Variants in SCN2B observed in about 807,000 individuals in gnomAD.
The protein encoded by SCN2B is sodium voltage-gated channel beta subunit 2.
A neutral mutation model predicts 18.2 loss-of-function variants in SCN2B; 14 were observed. That is an observed-to-expected ratio of 0.77 (90% CI 0.51 to 1.21). The LOEUF is 1.21. Ranked by LOEUF, SCN2B falls within the 50% of genes most tolerant of loss-of-function variation. The pLI is 0.00. For synonymous variants in SCN2B, 115 were observed against 115.3 expected (o/e 1.00, Z 0.02); for missense variants, 262 against 286.9 (o/e 0.91, Z 0.63).
chr11:118,174,360 G>T (rs1400866131), intron 1 of SCN2B, among the ~76,000 whole-genome samples: 1 of 151,936 alleles, frequency 6.6e-6, no homozygotes, highest in Non-Finnish European at 1.5e-5. Context: ...ATTGTTTCTG[G>T]CTAAAACTAG....
intron 1 of SCN2B, among the ~76,000 whole-genome samples, chr11:118,173,622 G>A (rs1310627230): frequency 6.6e-6 from 1 of 152,208 alleles, no homozygotes; most frequent in East Asian, 1.9e-4. Flanking sequence ...ACATGGCCTG[G>A]ACAAAAGTCA....
chr11:118,166,911 G>A lies in SCN2B; in HGVS notation c.624C>T (p.Gly208=). The change falls in exon 4 of 4, where the codon GGC becomes GGT. Residue 208 remains glycine (G), a synonymous_variant. Coordinates refer to ENST00000278947, the MANE Select transcript of SCN2B (RefSeq NM_004588.5). ...ACTACTTGGCGCCATCATCCGGGTT[G>A]CCTTCACCGTCCGTCTTGCCCTCCT... ...TEEEGKTDGE[G]NPDDGAK 6.2e-7 allele frequency: 1 copy of A among 1,614,042 alleles called. No homozygotes were observed.
In SCN2B at chr11:118,166,735, T is replaced by C; in HGVS notation, c.*152A>G. On this transcript the variant is annotated 3_prime_UTR_variant, in exon 4 of 4. Coordinates refer to ENST00000278947, the MANE Select transcript of SCN2B (RefSeq NM_004588.5). Reference sequence around the variant, plus strand: ...AGAGTGGGTCACTCTTGGTGCAGGGTGGGAGATACGAAGTCGGGGGTTCAG... The same window carrying C: ...AGAGTGGGTCACTCTTGGTGCAGGGCGGGAGATACGAAGTCGGGGGTTCAG... 1 of 793,272 alleles carries C rather than the reference T, an allele frequency of 1.3e-6. No homozygotes were observed. Among genetic ancestry groups the C allele is most frequent in the South Asian group, 1.5e-5 (1 of 67,950 alleles). The allele number at this position is 793,272 out of a possible 1,614,324, so 49.1% of individuals were successfully genotyped here.
At position 118,171,014 on chromosome 11, in the gene SCN2B, G is replaced by A. The variant is rs536608251; in HGVS notation, c.71-2263C>T. Among the ~76,000 whole-genome samples, 222 of 152,196 alleles carry A rather than the reference G, an allele frequency of 1.5e-3. 2 individuals carry two copies. Among genetic ancestry groups the A allele is most frequent in the African/African-American group, 5.1e-3 (213 of 41,518 alleles). On this transcript the variant is annotated intron_variant, in intron 1 of 3. Transcript: ENST00000278947. ...GAAGCAGCCGCCCTGCAGCCTGCAGGGAAATCAACATCTGCCTGGAGCACC... is the reference window on the plus strand; with the variant it reads ...GAAGCAGCCGCCCTGCAGCCTGCAGAGAAATCAACATCTGCCTGGAGCACC...
At position 118,168,510 on chromosome 11, in the gene SCN2B, G is replaced by A. The variant is rs774721663; in HGVS notation, c.237+75C>T. On this transcript the variant is annotated intron_variant, in intron 2 of 3. Coordinates refer to ENST00000278947, the MANE Select transcript of SCN2B (RefSeq NM_004588.5). This position sits in a 1 kb window ranked among gnomAD's most constrained non-coding sequence, Gnocchi z 4.7. ...GGGGCCCTAGCGCAGTGCCGGGGCC[G>A]GTGGTGGGACCAGGGGCTTCATGCC... The A allele has an allele frequency of 2.6e-4, 416 of 1,589,746 alleles. 1 individual carries two copies. The highest frequency in any genetic ancestry group is 5.5e-4 in the Admixed American group (33 of 59,974).
chr11:118,175,037 G>A (rs1488623375), intron 1 of SCN2B, among the ~76,000 whole-genome samples: 2 of 152,188 alleles, frequency 1.3e-5, no homozygotes, highest in South Asian at 2.1e-4. Flanking sequence ...TTCAGCTCCC[G>A]TTACCATAGT....
At position 118,165,590 on chromosome 11, in the gene SCN2B, C is replaced by T. The variant is rs565139945; in HGVS notation, c.*1297G>A. The T allele has an allele frequency of 5.9e-5, 9 of 151,976 alleles. No homozygotes were observed. The highest frequency in any genetic ancestry group is 2.2e-4 in the African/African-American group (9 of 41,390). The allele number at this position is 151,976 out of a possible 1,614,324, so 9.4% of individuals were successfully genotyped here. On this transcript the variant is annotated 3_prime_UTR_variant, in exon 4 of 4. Transcript: ENST00000278947. ...TTCCCGGGCTCAAGCGATTCTCCTG[C>T]CTCAGCCTCCCAAATAGCTGGGATT...
chr11:118,174,091 C>CTTTTTTTTTTCTT (rs1948449565), intron 1 of SCN2B, among the ~76,000 whole-genome samples: 6 of 66,662 alleles, frequency 9.0e-5, no homozygotes, highest in African/African-American at 3.9e-4. Context: ...TTTTTCTTTT[C>CTTTTTTTTTTCTT]TTTTTTTTTT....
chr11:118,169,549 T>C (rs751400690), intron 1 of SCN2B, among the ~76,000 whole-genome samples: 3 of 148,808 alleles, frequency 2.0e-5, no homozygotes, highest in Admixed American at 6.7e-5. Context: ...GCCCCCTACC[T>C]TCCTCAGGCT....
At chr11:118,171,372 G>T (rs117554110) in intron 1 of SCN2B, among the ~76,000 whole-genome samples, 303 of 152,334 alleles carry the variant, frequency 2.0e-3, no homozygotes, top group East Asian at 0.019. Flanking sequence ...CAAGGAGGAG[G>T]TGTGCAGAAA....
intron 3 of SCN2B, among the ~76,000 whole-genome samples, chr11:118,167,325 A>G (rs1948393159): frequency 6.6e-6 from 1 of 152,242 alleles, no homozygotes; most frequent in Non-Finnish European, 1.5e-5. Context: ...ATGAACTTTA[A>G]GATCAAACAG....
chr11:118,166,823 G>A lies in SCN2B; in HGVS notation c.*64C>T, dbSNP rs1417801994. On this transcript the variant is annotated 3_prime_UTR_variant, in exon 4 of 4. Coordinates refer to ENST00000278947, the MANE Select transcript of SCN2B (RefSeq NM_004588.5). Reference sequence around the variant, plus strand: ...AAGCACACCAAGAGCGAGCAGGCAGGGTCACTGTACAGGGCGGAGAGGGGA... The same window carrying A: ...AAGCACACCAAGAGCGAGCAGGCAGAGTCACTGTACAGGGCGGAGAGGGGA... 1.3e-6 allele frequency: 2 copies of A among 1,595,954 alleles called. No individual in the cohort carries two copies. Among genetic ancestry groups the A allele is most frequent in the Non-Finnish European group, 1.7e-6 (2 of 1,168,086 alleles).
At position 118,168,558 on chromosome 11, in the gene SCN2B, T is replaced by A; in HGVS notation, c.237+27A>T. On this transcript the variant is annotated intron_variant, in intron 2 of 3. Coordinates refer to ENST00000278947, the MANE Select transcript of SCN2B (RefSeq NM_004588.5). The surrounding 1 kb of genome is among the most constrained non-coding windows in gnomAD (Gnocchi z 4.7). ...GCCATGGGGCTCCTACCTCCTCCCC[T>A]GCCCCTGCCTTCAGCCCAGGACTCA... The A allele has an allele frequency of 6.2e-7, 1 of 1,613,844 alleles. No homozygotes were observed. Among genetic ancestry groups the A allele is most frequent in the Non-Finnish European group, 8.5e-7 (1 of 1,179,822 alleles).
chr11:118,168,433 G>T lies in SCN2B; in HGVS notation c.238-138C>A. ...CCTCTGTGAGGCACCTGGATGCGCA[G>T]CACACCTTGTTTCAAGAGCCTCCAG... On this transcript the variant is annotated intron_variant, in intron 2 of 3. Transcript: ENST00000278947. The surrounding 1 kb of genome is among the most constrained non-coding windows in gnomAD (Gnocchi z 4.7). 1 of 1,274,664 alleles carries T rather than the reference G, an allele frequency of 7.8e-7. No individual in the cohort carries two copies. Among genetic ancestry groups the T allele is most frequent in the Non-Finnish European group, 1.1e-6 (1 of 874,588 alleles). The allele number at this position is 1,274,664 out of a possible 1,614,324, so 79.0% of individuals were successfully genotyped here.
intron 1 of SCN2B, among the ~76,000 whole-genome samples, chr11:118,170,917 G>A (rs1042717673): frequency 6.6e-6 from 1 of 152,142 alleles, no homozygotes; most frequent in African/African-American, 2.4e-5. Flanking sequence ...CCAGTCCGTA[G>A]GAATTGGCGA....
rs1193245450 is a variant in SCN2B, at chr11:118,166,505, G to A, written c.*382C>T. ...ACAGGAAAGCCCTCCCTCCCCACCA[G>A]GTCCTCTCTGAAGCCACTGCCAGGC... On this transcript the variant is annotated 3_prime_UTR_variant, in exon 4 of 4. Transcript: ENST00000278947. 1.5e-5 allele frequency: 5 copies of A among 330,230 alleles called. No homozygotes were observed. In the Admixed American group the frequency reaches 2.1e-4, roughly 14 times the overall value. 20.5% of individuals were successfully genotyped at this position (330,230 alleles called of 1,614,324 possible).
At position 118,166,063 on chromosome 11, in the gene SCN2B, G is replaced by C. The variant is rs1018816769; in HGVS notation, c.*824C>G. On this transcript the variant is annotated 3_prime_UTR_variant, in exon 4 of 4. Transcript: ENST00000278947. ...GTGGTTACCCCATGGAGAAGGCAGA[G>C]CCTGCAGCAACCTGCATTCACCATG... 1 of 152,522 alleles carries C rather than the reference G, an allele frequency of 6.6e-6. No homozygotes were observed. Among genetic ancestry groups the C allele is most frequent in the African/African-American group, 2.4e-5 (1 of 41,592 alleles). 9.4% of individuals were successfully genotyped at this position (152,522 alleles called of 1,614,324 possible).
intron 1 of SCN2B, among the ~76,000 whole-genome samples, chr11:118,175,784 C>T (rs184597542): frequency 3.9e-5 from 6 of 152,260 alleles, no homozygotes; most frequent in East Asian, 1.9e-4. Context: ...TCCATCAGTG[C>T]GTGCCTCAGC....
chr11:118,173,122 C>G (rs897528056), intron 1 of SCN2B, among the ~76,000 whole-genome samples: 27 of 152,236 alleles, frequency 1.8e-4, no homozygotes, highest in African/African-American at 6.0e-4. Context: ...AACGGCTACC[C>G]ACTGCTTTCA....
Sources: gnomAD v4.1 joint callset for allele counts (sites outside exome capture counted in the v4.1 genomes callset) on GRCh38, gnomAD v4.1.1 for gene constraint, Gnocchi (gnomAD v3.1) non-coding constraint, MANE v1.5 for transcripts, NCBI Gene and HGNC (gene_info 2026-07-23, HGNC 2026-07-21) for gene names.